CTNND2: variants seen among roughly 807,000 people sequenced by gnomAD.
The protein encoded by CTNND2 is catenin delta 2.
A neutral mutation model predicts 144.4 loss-of-function variants in CTNND2; 22 were observed. The observed-to-expected ratio is 0.15, with a 90% CI of 0.11 to 0.22. The LOEUF (loss-of-function observed/expected upper bound fraction) is 0.22, where lower values mean the gene tolerates loss of function less well. Among genes scored for constraint, CTNND2 ranks in the 10% least tolerant of loss-of-function variants. The pLI is 1.00. For synonymous variants in CTNND2, 751 were observed against 695.6 expected (o/e 1.08, Z -1.25); for missense variants, 1,353 against 1,618.8 (o/e 0.84, Z 2.82).
intron 9 of CTNND2, among the ~76,000 whole-genome samples, chr5:11,270,252 C>T (rs964983927): frequency 1.6e-4 from 25 of 151,824 alleles, no homozygotes; most frequent in Admixed American, 7.9e-4. Flanking sequence ...AGTTCTAACA[C>T]GTAACACACA....
chr5:11,851,721 T>C (rs995841432), intron 1 of CTNND2, among the ~76,000 whole-genome samples: 3 of 152,244 alleles, frequency 2.0e-5, no homozygotes, highest in Non-Finnish European at 2.9e-5. Flanking sequence ...AGTCTCCACA[T>C]TGGCAATGGC....
rs1738107992 is a variant in CTNND2, at chr5:11,903,786, C to T, written c.37+31G>A. On this transcript the variant is annotated intron_variant, in intron 1 of 21. Transcript: ENST00000304623. This position sits in a 1 kb window ranked among gnomAD's most constrained non-coding sequence, Gnocchi z 5.4. ...GGACGGCGCCGGGAGGAGGCTGCGC[C>T]CGGCCCCGGCCGCCCAGCCCCGCAA... is the stretch of plus-strand genomic sequence containing the variant. 1.4e-6 allele frequency: 2 copies of T among 1,474,962 alleles called. No individual in the cohort carries two copies. The highest frequency in any genetic ancestry group is 1.3e-5 in the South Asian group (1 of 78,242). 91.4% of individuals were successfully genotyped at this position (1,474,962 alleles called of 1,614,324 possible). A position where few individuals can be genotyped will look rare whatever the true frequency, so the allele number is the denominator to read the frequency against.
chr5:11,587,239 A>T (rs1778933126), intron 2 of CTNND2, among the ~76,000 whole-genome samples: 1 of 152,172 alleles, frequency 6.6e-6, no homozygotes, highest in African/African-American at 2.4e-5. Flanking sequence ...ACACTTCCAA[A>T]GGTCAAAGTT....
At chr5:11,675,424 G>A (rs1484038270) in intron 2 of CTNND2, among the ~76,000 whole-genome samples, 1 of 152,102 alleles carries the variant, frequency 6.6e-6, no homozygotes, top group East Asian at 1.9e-4. Flanking sequence ...GTTAGCAAGT[G>A]CAGTGGGAGG....
chr5:11,635,607 T>C (rs1781643837), intron 2 of CTNND2, among the ~76,000 whole-genome samples: 1 of 152,222 alleles, frequency 6.6e-6, no homozygotes, highest in South Asian at 2.1e-4. Flanking sequence ...ATCTGGATAT[T>C]CTAACGAAAT....
chr5:11,263,217 C>T (rs1052414013), intron 9 of CTNND2, among the ~76,000 whole-genome samples: 12 of 152,170 alleles, frequency 7.9e-5, no homozygotes, highest in African/African-American at 2.9e-4. Flanking sequence ...GACTTTATTG[C>T]TGACTTCTGA....
At chr5:11,182,938 T>G (rs544297566) in intron 11 of CTNND2, among the ~76,000 whole-genome samples, 26 of 152,300 alleles carry the variant, frequency 1.7e-4, no homozygotes, top group African/African-American at 5.1e-4. Context: ...ATCCTGGTAT[T>G]TGGAGTTTGG....
chr5:11,048,851 C>G (rs1389719172), intron 16 of CTNND2, among the ~76,000 whole-genome samples: 2 of 152,194 alleles, frequency 1.3e-5, no homozygotes, highest in Non-Finnish European at 2.9e-5. Context: ...TGTACAAGAT[C>G]TGGAGCCGGG....
intron 9 of CTNND2, among the ~76,000 whole-genome samples, chr5:11,262,992 T>C (rs1745072117): frequency 6.6e-6 from 1 of 152,112 alleles, no homozygotes; most frequent in Non-Finnish European, 1.5e-5. Flanking sequence ...GAATTTCCGA[T>C]GGCTCTCACA....
intron 10 of CTNND2, among the ~76,000 whole-genome samples, chr5:11,233,029 A>G (rs922545539): frequency 4.6e-5 from 7 of 152,030 alleles, no homozygotes; most frequent in African/African-American, 1.7e-4. Context: ...CTGAAGAGGT[A>G]CCTTCTGCCA....
chr5:11,388,977 T>C (rs1386946267), intron 6 of CTNND2, among the ~76,000 whole-genome samples: 1 of 152,242 alleles, frequency 6.6e-6, no homozygotes, highest in Non-Finnish European at 1.5e-5. Context: ...TGCAGATATT[T>C]GGAAATGTGT....
intron 16 of CTNND2, among the ~76,000 whole-genome samples, chr5:11,028,232 C>T (rs17179868): frequency 0.29 from 44,743 of 152,012 alleles, 6,941 homozygotes; most frequent in Admixed American, 0.39. Context: ...GACTGGAGAG[C>T]AACCCCGGAT....
At chr5:11,161,859 A>C (rs1758791306) in intron 11 of CTNND2, among the ~76,000 whole-genome samples, 1 of 152,166 alleles carries the variant, frequency 6.6e-6, no homozygotes. Context: ...TCCTTTAAAA[A>C]CTAAATAGCA....
intron 1 of CTNND2, among the ~76,000 whole-genome samples, chr5:11,864,883 C>CTT (rs59068101): frequency 5.3e-5 from 3 of 56,700 alleles, no homozygotes; most frequent in African/African-American, 2.1e-4. Flanking sequence ...CTTCTTCTTC[C>CTT]TTTTTTTTTT....
At chr5:11,838,339 A>G (rs1794285535) in intron 1 of CTNND2, among the ~76,000 whole-genome samples, 1 of 152,164 alleles carries the variant, frequency 6.6e-6, no homozygotes, top group Admixed American at 6.5e-5. Flanking sequence ...AATTTCAAAC[A>G]CAGCAGGCAC....
chr5:11,343,758 T>C (rs1330949972), intron 9 of CTNND2, among the ~76,000 whole-genome samples: 2 of 152,086 alleles, frequency 1.3e-5, no homozygotes, highest in East Asian at 3.9e-4. Context: ...GAGGATTACA[T>C]CAAAGATGTA....
chr5:11,207,420 GTTAT>G (rs1303858943), intron 10 of CTNND2, among the ~76,000 whole-genome samples: 1 of 151,308 alleles, frequency 6.6e-6, no homozygotes, highest in Non-Finnish European at 1.5e-5. Flanking sequence ...AAGGCCTCAT[GTTAT>G]TTAACTTTAT....
chr5:11,209,426 G>C (rs1229289425), intron 10 of CTNND2, among the ~76,000 whole-genome samples: 1 of 152,172 alleles, frequency 6.6e-6, no homozygotes, highest in Non-Finnish European at 1.5e-5. Flanking sequence ...GTGATAAAAA[G>C]AATTACAAGC....
intron 9 of CTNND2, among the ~76,000 whole-genome samples, chr5:11,267,904 G>T (rs908388693): frequency 2.6e-5 from 4 of 152,112 alleles, no homozygotes; most frequent in African/African-American, 9.7e-5. Flanking sequence ...ACAAGAAGAT[G>T]GGCTTTGAAA....
Sources: allele counts gnomAD v4.1 joint callset (sites outside exome capture counted in the v4.1 genomes callset), GRCh38; gene constraint gnomAD v4.1.1; non-coding constraint Gnocchi (gnomAD v3.1); transcripts MANE v1.5; gene names NCBI Gene and HGNC (gene_info 2026-07-23, HGNC 2026-07-21).